BFSP2: variants seen among roughly 807,000 people sequenced by gnomAD.
BFSP2 encodes phakinin.
A neutral mutation model predicts 44.9 loss-of-function variants in BFSP2; 38 were observed. That is an observed-to-expected ratio of 0.85 (90% CI 0.65 to 1.11). The LOEUF is 1.11. BFSP2 is among the 50% of genes least tolerant of loss of function. The pLI, the probability that BFSP2 is intolerant of heterozygous loss-of-function variation, is 0.00. For synonymous variants in BFSP2, 197 were observed against 209.9 expected (o/e 0.94, Z 0.53); for missense variants, 525 against 533.0 (o/e 0.99, Z 0.15).
chr3:133,417,467 A>ACCCTCTCCCCTCTACTCACCCCTG (rs2073549012), intron 1 of BFSP2, among the ~76,000 whole-genome samples: 6 of 22,150 alleles, frequency 2.7e-4, no homozygotes, highest in Non-Finnish European at 2.5e-4. Context: ...ACTCACCCCT[A>ACCCTCTCCCCTCTACTCACCCCTG]CCCTCTCCCC....
At position 133,457,378 on chromosome 3, in the gene BFSP2, T is replaced by C. The variant is rs536679863; in HGVS notation, c.891+6914T>C. ...TTGACTTTTATTTTATTTCAACATG[T>C]ATAATAGATAATACATTCACTTAGT... On this transcript the variant is annotated intron_variant, in intron 4 of 6. Coordinates refer to ENST00000302334, the MANE Select transcript of BFSP2 (RefSeq NM_003571.4). 2.6e-5 allele frequency among the ~76,000 whole-genome samples: 4 copies of C among 152,344 alleles called. No homozygotes were observed. The South Asian group carries it at 8.3e-4, about 32-fold the overall frequency.
rs781508583 is a variant in BFSP2 at position 133,447,445 on chromosome 3, T to G, written c.572+46T>G. ...CGACAGTCCCTCCACATCCCTAGACTCCTAGGCAAGTGTGGATAATGCTGT... is the reference window on the plus strand; with the variant it reads ...CGACAGTCCCTCCACATCCCTAGACGCCTAGGCAAGTGTGGATAATGCTGT... On this transcript the variant is annotated intron_variant, in intron 2 of 6. Coordinates refer to ENST00000302334, the MANE Select transcript of BFSP2 (RefSeq NM_003571.4). The G allele has an allele frequency of 3.2e-6, 5 of 1,573,204 alleles. No individual in the cohort carries two copies. The African/African-American group carries it at 6.8e-5, about 21-fold the overall frequency.
chr3:133,443,447 A>G (rs977652062), intron 1 of BFSP2, among the ~76,000 whole-genome samples: 1 of 152,214 alleles, frequency 6.6e-6, no homozygotes, highest in Non-Finnish European at 1.5e-5. Flanking sequence ...AGCAGAGAAT[A>G]ATAAGAAAGA....
chr3:133,431,926 T>A (rs187503172), intron 1 of BFSP2, among the ~76,000 whole-genome samples: 50 of 152,056 alleles, frequency 3.3e-4, no homozygotes, highest in Non-Finnish European at 6.6e-4. Flanking sequence ...TATTCCTGGA[T>A]TACAGCCGCA....
intron 1 of BFSP2, among the ~76,000 whole-genome samples, chr3:133,430,691 A>T (rs4286431): frequency 1.3e-4 from 20 of 151,964 alleles, no homozygotes; most frequent in African/African-American, 1.9e-4. Flanking sequence ...TCTGTTCCCA[A>T]TGCAACTCAT....
chr3:133,450,566 A>G, intron 4 of BFSP2, 102 bp downstream of exon 4: 1 of 1,385,966 alleles, frequency 7.2e-7, no homozygotes, highest in Non-Finnish European at 1.0e-6. Flanking sequence ...ACAACGGTTT[A>G]GTAACAAGTT....
intron 1 of BFSP2, among the ~76,000 whole-genome samples, chr3:133,417,589 C>T (rs2073551682): frequency 7.0e-6 from 1 of 143,744 alleles, no homozygotes; most frequent in East Asian, 2.2e-4. Context: ...CCCCTGCCAT[C>T]TCCCCTCTAC....
intron 1 of BFSP2, among the ~76,000 whole-genome samples, chr3:133,422,065 C>T (rs1007379288): frequency 2.1e-5 from 3 of 145,556 alleles, no homozygotes; most frequent in African/African-American, 5.3e-5. Flanking sequence ...CAAGATAGCG[C>T]CACTGCACTC....
intron 1 of BFSP2, among the ~76,000 whole-genome samples, chr3:133,414,712 G>C (rs2073494342): frequency 8.2e-6 from 1 of 121,314 alleles, no homozygotes; most frequent in Non-Finnish European, 1.7e-5. Flanking sequence ...ACTCACCACT[G>C]CCCTATCCCC....
intron 1 of BFSP2, among the ~76,000 whole-genome samples, chr3:133,406,614 C>T (rs2073406967): frequency 6.6e-6 from 1 of 152,146 alleles, no homozygotes; most frequent in Admixed American, 6.5e-5. Context: ...CTCTGCATCT[C>T]AGTTTCTCAT....
chr3:133,436,976 G>A (rs2073791489), intron 1 of BFSP2, among the ~76,000 whole-genome samples: 1 of 152,214 alleles, frequency 6.6e-6, no homozygotes, highest in Non-Finnish European at 1.5e-5. Context: ...TAGTGTATAT[G>A]TGCCACATTT....
chr3:133,412,751 T>TTTG (rs2073468498), intron 1 of BFSP2, among the ~76,000 whole-genome samples: 1 of 152,184 alleles, frequency 6.6e-6, no homozygotes, highest in African/African-American at 2.4e-5. Flanking sequence ...ACAGCGGGTG[T>TTTG]TCAAGAAACG....
chr3:133,438,777 G>A (rs1181007788), intron 1 of BFSP2, among the ~76,000 whole-genome samples: 1 of 152,192 alleles, frequency 6.6e-6, no homozygotes, highest in African/African-American at 2.4e-5. Flanking sequence ...ATGCATAATA[G>A]CCTCCCAGAT....
At chr3:133,417,976 A>C (rs1576564816) in intron 1 of BFSP2, among the ~76,000 whole-genome samples, 5 of 67,808 alleles carry the variant, frequency 7.4e-5, no homozygotes, top group Admixed American at 2.0e-4. Context: ...TCTCCCCTCT[A>C]TTCACCCCTC....
chr3:133,445,008 G>C lies in BFSP2; in HGVS notation c.490-2309G>C, dbSNP rs79533591. On this transcript the variant is annotated intron_variant, in intron 1 of 6. Transcript: ENST00000302334. ...GCCCAAGGCCTTCCCTCTATGGTCT[G>C]GTCTTGTCTACCTTTTTAACCTCAT... Among the ~76,000 whole-genome samples, 730 of 152,280 alleles carry C rather than the reference G, an allele frequency of 4.8e-3. 3 individuals are homozygous for C. The highest frequency in any genetic ancestry group is 0.017 in the African/African-American group (704 of 41,568).
At chr3:133,451,247 G>A (rs2107927402) in intron 4 of BFSP2, among the ~76,000 whole-genome samples, 1 of 152,154 alleles carries the variant, frequency 6.6e-6, no homozygotes, top group African/African-American at 2.4e-5. Flanking sequence ...CTACCTATGT[G>A]CAGTAAAATA....
intron 1 of BFSP2, among the ~76,000 whole-genome samples, chr3:133,424,507 CT>C (rs869038387): frequency 1.4e-4 from 6 of 43,502 alleles, no homozygotes; most frequent in Non-Finnish European, 2.2e-4. Context: ...CCACCAAATA[CT>C]TTTGCCCAGG....
rs562052079 is a variant in BFSP2, at chr3:133,467,413, CAG to C, written c.1023+456_1023+457del. The stretch of plus-strand genomic sequence containing the variant: ...GCTCTCCATAGGACCAGGCTGTAGC[CAG>C]ATTCCAGAGACCACATCCTCGCTTA... On this transcript the variant is annotated intron_variant, in intron 5 of 6. Coordinates refer to ENST00000302334, the MANE Select transcript of BFSP2 (RefSeq NM_003571.4). Among the ~76,000 whole-genome samples, 15 of 152,308 alleles carry C rather than the reference CAG, an allele frequency of 9.8e-5. No individual in the cohort carries two copies. The East Asian group carries it at 2.9e-3, about 29-fold the overall frequency.
chr3:133,414,726 A>C (rs1576560927), intron 1 of BFSP2, among the ~76,000 whole-genome samples: 1 of 102,298 alleles, frequency 9.8e-6, no homozygotes, highest in African/African-American at 4.0e-5. Context: ...TATCCCCTCT[A>C]CTTACCCCTG....
Sources: allele counts gnomAD v4.1 joint callset (sites outside exome capture counted in the v4.1 genomes callset), GRCh38; gene constraint gnomAD v4.1.1; transcripts MANE v1.5; gene names NCBI Gene and HGNC (gene_info 2026-07-23, HGNC 2026-07-21).